Variants in CENPN observed in about 807,000 individuals in gnomAD.
CENPN encodes the protein interphase centromere complex protein 32.
CENPN carries 36 observed loss-of-function variants against 48.6 expected under a neutral mutation model. That is an observed-to-expected ratio of 0.74 (90% CI 0.57 to 0.98). CENPN has a LOEUF of 0.98. Ranked by LOEUF, CENPN falls within the 50% of genes least tolerant of loss-of-function variation. The pLI is 0.00. For missense variants in CENPN, 439 were observed against 399.2 expected, an observed-to-expected ratio of 1.10 and a Z score of -0.85; for synonymous variants, 166 against 135.2, an observed-to-expected ratio of 1.23 and a Z score of -1.58.
intron 8 of CENPN, among the ~76,000 whole-genome samples, chr16:81,026,319 T>C (rs1029585838): frequency 2.6e-5 from 4 of 151,900 alleles, no homozygotes; most frequent in Non-Finnish European, 4.4e-5. Flanking sequence ...GGTAGAATTA[T>C]GATTTTTATT....
Position 81,014,185 on chromosome 16 carries a change from A to G in CENPN, c.217+4A>G. ...GCTGCCCTGTTAGACATCATTTGTA[A>G]GTGTCAGTGATTTGTATTTATACTT... On this transcript the variant is annotated splice_donor_region_variant and intron_variant, in intron 3 of 10. Transcript: ENST00000305850. 6.2e-7 allele frequency: 1 copy of G among 1,611,724 alleles called. No individual in the cohort carries two copies.
At chr16:81,013,401 C>T (rs1318382505) in intron 2 of CENPN, among the ~76,000 whole-genome samples, 1 of 152,220 alleles carries the variant, frequency 6.6e-6, no homozygotes, top group East Asian at 1.9e-4. Context: ...ACATGGGAAC[C>T]AAGAAGAGTG....
At chr16:81,007,945 A>G (rs1969526102) in intron 1 of CENPN, among the ~76,000 whole-genome samples, 1 of 152,036 alleles carries the variant, frequency 6.6e-6, no homozygotes, top group Non-Finnish European at 1.5e-5. Context: ...CGTCTCTACT[A>G]AAAATACAAA....
rs772394359 is a variant in CENPN at position 81,012,011 on chromosome 16, C to G, written c.72C>G (p.Ile24Met). Residue 24 changes from isoleucine (I) to methionine (M), a missense_variant, in exon 2 of 11, where the codon ATC (isoleucine) becomes ATG (methionine). By Grantham distance (10) the Ile-to-Met change is conservative. Coordinates refer to ENST00000305850, the MANE Select transcript of CENPN (RefSeq NM_001100624.3). ...TCCCCATGAATGAACTGACAACAAT[C>G]CTGAAGGCCTGGGATTTTTTGTCTG... The part of the protein sequence containing the change: ...LKIPMNELTT[I>M]LKAWDFLSEN... The G allele has an allele frequency of 6.2e-6, 10 of 1,613,914 alleles. No individual in the cohort carries two copies. Among genetic ancestry groups the G allele is most frequent in the South Asian group, 1.1e-5 (1 of 91,088 alleles).
chr16:81,017,247 A>C, intron 3 of CENPN, 79 bp from the exon 4 acceptor site: 1 of 927,148 alleles, frequency 1.1e-6, no homozygotes, highest in Non-Finnish European at 1.7e-6. Flanking sequence ...CCCCAGTTTT[A>C]AAGTATAGAA....
At chr16:81,026,065 ATATATG>A (rs1270185184) in intron 8 of CENPN, among the ~76,000 whole-genome samples, 1 of 51,466 alleles carries the variant, frequency 1.9e-5, no homozygotes, top group African/African-American at 4.2e-5. Flanking sequence ...ATATATATAT[ATATATG>A]TGTGTGTGTG....
In CENPN at chr16:81,030,299, C is replaced by G. The variant is rs1281293726; in HGVS notation, c.*1648C>G. The G allele has an allele frequency of 1.0e-6, 1 of 985,308 alleles. No homozygotes were observed. The highest frequency in any genetic ancestry group is 1.2e-6 in the Non-Finnish European group (1 of 829,938). The allele number at this position is 985,308 out of a possible 1,614,324, so 61.0% of individuals were successfully genotyped here. A position where few individuals can be genotyped will look rare whatever the true frequency, so the allele number is the denominator to read the frequency against. ...TTGTTTCAGAGAGGATTTGGAGTTA[C>G]AGAAACACATTAGACTGGGCATGGT... On this transcript the variant is annotated 3_prime_UTR_variant, in exon 11 of 11. Transcript: ENST00000305850.
chr16:81,026,167 G>A (rs1194179385), intron 8 of CENPN, among the ~76,000 whole-genome samples: 26 of 144,954 alleles, frequency 1.8e-4, no homozygotes, highest in Non-Finnish European at 3.3e-4. Context: ...GTATATATAT[G>A]TGTATATATA....
In CENPN at chr16:81,028,937, A is replaced by G. The variant is rs1200653216; in HGVS notation, c.*286A>G. ...TTGAGTGCCTGAATGCTCTGAAATC[A>G]AGCATATGGCACAGCGCTCAAGACT... On this transcript the variant is annotated 3_prime_UTR_variant, in exon 11 of 11. Coordinates refer to ENST00000305850, the MANE Select transcript of CENPN (RefSeq NM_001100624.3). 3 of 1,091,538 alleles carry G rather than the reference A, an allele frequency of 2.7e-6. No homozygotes were observed. Among genetic ancestry groups the G allele is most frequent in the Admixed American group, 1.0e-4 (2 of 19,928 alleles). The allele number at this position is 1,091,538 out of a possible 1,614,324, so 67.6% of individuals were successfully genotyped here.
chr16:81,026,504 A>T (rs1555522855), intron 8 of CENPN, 22 bp from the exon 9 acceptor site: 22 of 1,223,482 alleles, frequency 1.8e-5, no homozygotes, highest in Non-Finnish European at 1.2e-6. Flanking sequence ...CGGCTGTTTT[A>T]TTTGAAATCT....
chr16:81,028,503 C>T (rs13331094), intron 10 of CENPN, 66 bp from the exon 11 acceptor site: 2 of 1,583,810 alleles, frequency 1.3e-6, no homozygotes, highest in South Asian at 1.2e-5. Flanking sequence ...TTTAAACTGA[C>T]TCAAATCCAT....
intron 1 of CENPN, 161 bp downstream of exon 1, chr16:81,007,438 G>C (rs1308385545): frequency 3.3e-5 from 5 of 152,332 alleles, no homozygotes; most frequent in African/African-American, 7.2e-5. Flanking sequence ...ACTACGGTTC[G>C]GGCCGAGGTG....
At chr16:81,014,531 AT>A (rs1947995256) in intron 3 of CENPN, 1 of 207,988 alleles carries the variant, frequency 4.8e-6, no homozygotes. Context: ...CCCAGAAGCA[AT>A]TTTGTATATA....
Position 81,020,095 on chromosome 16 carries a change from A to G in CENPN, c.355-5A>G. 1 of 1,587,036 alleles carries G rather than the reference A, an allele frequency of 6.3e-7. No individual in the cohort carries two copies. Among genetic ancestry groups the G allele is most frequent in the Non-Finnish European group, 8.5e-7 (1 of 1,172,496 alleles). On this transcript the variant is annotated splice_region_variant and splice_polypyrimidine_tract_variant and intron_variant, in intron 5 of 10. Coordinates refer to ENST00000305850, the MANE Select transcript of CENPN (RefSeq NM_001100624.3). Reference sequence around the variant, plus strand: ...ATTAAGCCTTTTTTTTTTTTCTTTAATAAGGTGACAGTCAGCTTCAGAGAA... The same window carrying G: ...ATTAAGCCTTTTTTTTTTTTCTTTAGTAAGGTGACAGTCAGCTTCAGAGAA...
At chr16:81,018,109 A>G (rs905867183) in intron 5 of CENPN, among the ~76,000 whole-genome samples, 1 of 152,052 alleles carries the variant, frequency 6.6e-6, no homozygotes, top group Non-Finnish European at 1.5e-5. Context: ...GGCACTGTTC[A>G]GTTCAGCCAC....
intron 6 of CENPN, chr16:81,022,308 A>G (rs1970253074): frequency 2.9e-6 from 1 of 340,714 alleles, no homozygotes; most frequent in Admixed American, 4.6e-5. Context: ...CATTTTGAGT[A>G]TTTATTGTTT....
At chr16:81,014,257 C>CCCTGTCTCACAA in intron 3 of CENPN, 76 bp downstream of exon 3, 1 of 1,258,368 alleles carries the variant, frequency 7.9e-7, no homozygotes, top group Non-Finnish European at 1.2e-6. Context: ...CTTTGTGAGA[C>CCCTGTCTCACAA]AGGGTCTCCC....
At position 81,017,823 on chromosome 16, in the gene CENPN, G is replaced by C. The variant is rs1243585488; in HGVS notation, c.343G>C (p.Ala115Pro). Residue 115 changes from alanine to proline, a missense_variant, in exon 5 of 11, where the codon GCA becomes CCA. Transcript: ENST00000305850. ...TTCGTTCAAGAAAATTCTTCAGAGAGCATTAAAAAATGTAAGAATAAAATT... is the reference window on the plus strand; with the variant it reads ...TTCGTTCAAGAAAATTCTTCAGAGACCATTAAAAAATGTAAGAATAAAATT... The part of the protein sequence containing the change: ...KNSFKKILQR[A>P]LKNVTVSFRE... 5 of 1,544,832 alleles carry C rather than the reference G, an allele frequency of 3.2e-6. No homozygotes were observed. The highest frequency in any genetic ancestry group is 1.7e-4 in the Middle Eastern group (1 of 5,894).
At position 81,030,474 on chromosome 16, in the gene CENPN, T is replaced by A; in HGVS notation, c.*1823T>A. 1.1e-6 allele frequency: 1 copy of A among 888,292 alleles called. No individual in the cohort carries two copies. Among genetic ancestry groups the A allele is most frequent in the Non-Finnish European group, 1.3e-6 (1 of 741,632 alleles). 55.0% of individuals were successfully genotyped at this position (888,292 alleles called of 1,614,324 possible). A position where few individuals can be genotyped will look rare whatever the true frequency, so the allele number is the denominator to read the frequency against. On this transcript the variant is annotated 3_prime_UTR_variant, in exon 11 of 11. Transcript: ENST00000305850. Reference sequence around the variant, plus strand: ...AAAAATGACTTCACTCTGGGCCGGGTGTAGTGGCTCACGCCTGTAATCCTA... The same window carrying A: ...AAAAATGACTTCACTCTGGGCCGGGAGTAGTGGCTCACGCCTGTAATCCTA...
Sources: allele counts gnomAD v4.1 joint callset (sites outside exome capture counted in the v4.1 genomes callset), GRCh38; gene constraint gnomAD v4.1.1; transcripts MANE v1.5; gene names NCBI Gene and HGNC (gene_info 2026-07-23, HGNC 2026-07-21).